The following MLIP variants were observed in gnomAD, a reference collection of about 807,000 sequenced individuals.
MLIP encodes the protein muscular LMNA-interacting protein.
MLIP carries 79 observed loss-of-function variants against 84.8 expected under a neutral mutation model. The observed-to-expected ratio is 0.93, with a 90% confidence interval of 0.78 to 1.12. MLIP has a LOEUF of 1.12. Ranked by LOEUF, MLIP falls within the 50% of genes most tolerant of loss-of-function variation. The probability of loss-of-function intolerance (pLI) is 0.00; values close to 1 mark genes in which losing one functional copy is unlikely to be tolerated. For synonymous variants in MLIP, 504 were observed against 463.0 expected (o/e 1.09, Z -1.14); for missense variants, 1,257 against 1,160.6 (o/e 1.08, Z -1.21).
At chr6:54,103,625 G>A (rs762511744) in intron 1 of MLIP, among the ~76,000 whole-genome samples, 4 of 152,098 alleles carry the variant, frequency 2.6e-5, no homozygotes, top group Non-Finnish European at 4.4e-5. Context: ...TTCCAATCAC[G>A]GTTAGGTAGC....
intron 12 of MLIP, among the ~76,000 whole-genome samples, chr6:54,252,333 A>T (rs1251660618): frequency 1.7e-5 from 2 of 119,336 alleles, no homozygotes; most frequent in African/African-American, 7.2e-5. Flanking sequence ...ATTATACCAT[A>T]TAATATATAA....
chr6:54,246,517 T>C (rs907427243), intron 12 of MLIP, among the ~76,000 whole-genome samples: 7 of 152,272 alleles, frequency 4.6e-5, no homozygotes, highest in Middle Eastern at 3.4e-3. Context: ...GTATGACTTT[T>C]ATTTGTGTGT....
chr6:54,204,715 C>T (rs1307330694), intron 11 of MLIP, among the ~76,000 whole-genome samples: 1 of 152,096 alleles, frequency 6.6e-6, no homozygotes, highest in Non-Finnish European at 1.5e-5. Flanking sequence ...ATTGCCATTT[C>T]TTTTCGTTGC....
At chr6:54,155,983 AAC>A (rs1773982884) in intron 5 of MLIP, among the ~76,000 whole-genome samples, 1 of 152,060 alleles carries the variant, frequency 6.6e-6, no homozygotes, top group Non-Finnish European at 1.5e-5. Flanking sequence ...TATTTTTAAT[AAC>A]AATAATTTAT....
Position 54,053,187 on chromosome 6 carries a change from C to T in MLIP, c.63+34096C>T, listed in dbSNP as rs572527740. ...TCCTAGGTATTCCTGGCTCTGATAC[C>T]CATACCTTAAGCACCACTATGTTTT... On this transcript the variant is annotated intron_variant, in intron 1 of 12. Coordinates refer to the MLIP transcript ENST00000274897. Among the ~76,000 whole-genome samples, 3 of 152,196 alleles carry T rather than the reference C, an allele frequency of 2.0e-5. No individual in the cohort carries two copies. The South Asian group carries it at 6.2e-4, about 32-fold the overall frequency.
chr6:54,052,459 C>A (rs903924761), intron 1 of MLIP, among the ~76,000 whole-genome samples: 1 of 152,142 alleles, frequency 6.6e-6, no homozygotes, highest in African/African-American at 2.4e-5. Flanking sequence ...TGTTTAATAA[C>A]ACTGATTTTA....
At chr6:54,132,018 C>T (rs1007294667) in intron 3 of MLIP, among the ~76,000 whole-genome samples, 1 of 152,098 alleles carries the variant, frequency 6.6e-6, no homozygotes, top group African/African-American at 2.4e-5. Context: ...CTAGCCTGAG[C>T]TCATTCATAT....
upstream of MLIP, among the ~76,000 whole-genome samples, chr6:54,106,692 A>T (rs944055788): frequency 1.4e-4 from 21 of 152,198 alleles, no homozygotes; most frequent in Admixed American, 1.4e-3. Context: ...AGAAGTGAGG[A>T]AAATTTTGGG....
At chr6:54,208,305 G>C (rs1779183236) in intron 11 of MLIP, among the ~76,000 whole-genome samples, 1 of 152,020 alleles carries the variant, frequency 6.6e-6, no homozygotes, top group Non-Finnish European at 1.5e-5. Context: ...TTGTTTGTTG[G>C]CTGCGTGCAG....
intron 11 of MLIP, chr6:54,216,966 TTGATTTAAATTAA>T: frequency 1.0e-6 from 1 of 985,422 alleles, no homozygotes; most frequent in Non-Finnish European, 1.2e-6. Flanking sequence ...TAGCAAGGTG[TTGATTTAAATTAA>T]AACTGTAGCA....
At chr6:54,221,633 A>G (rs977553828) in intron 11 of MLIP, among the ~76,000 whole-genome samples, 4 of 152,246 alleles carry the variant, frequency 2.6e-5, no homozygotes, top group African/African-American at 9.6e-5. Flanking sequence ...TCATAAGGCA[A>G]AAGCAGGAGA....
intron 12 of MLIP, among the ~76,000 whole-genome samples, chr6:54,236,124 G>A (rs187419354): frequency 2.2e-4 from 34 of 152,214 alleles, no homozygotes; most frequent in South Asian, 1.0e-3. Flanking sequence ...AAAACCATCC[G>A]TATTTGTGAG....
At chr6:54,079,062 C>T (rs186125552) in intron 1 of MLIP, among the ~76,000 whole-genome samples, 1 of 152,172 alleles carries the variant, frequency 6.6e-6, no homozygotes, top group Non-Finnish European at 1.5e-5. Context: ...AATAAATATC[C>T]TAAATATTTG....
At chr6:54,204,107 C>G (rs989207205) in intron 11 of MLIP, among the ~76,000 whole-genome samples, 28 of 152,094 alleles carry the variant, frequency 1.8e-4, no homozygotes, top group African/African-American at 6.8e-4. Flanking sequence ...GATTTATATA[C>G]ACTTTCTGAG....
chr6:54,199,397 T>A (rs1245220606), intron 10 of MLIP, among the ~76,000 whole-genome samples: 1 of 152,122 alleles, frequency 6.6e-6, no homozygotes, highest in East Asian at 1.9e-4. Flanking sequence ...AGATGATCTA[T>A]CTAAAATATT....
Position 54,080,372 on chromosome 6 carries a change from C to A in MLIP, c.64-41075C>A, listed in dbSNP as rs145943313. On this transcript the variant is annotated intron_variant, in intron 1 of 12. Coordinates refer to the MLIP transcript ENST00000274897. ...TAGACTCCATCTTCACCCCCCACCC[C>A]AGTTTTAGGAACCCCTAAACCTCTC... Among the ~76,000 whole-genome samples, 94 of 152,152 alleles carry A rather than the reference C, an allele frequency of 6.2e-4. No homozygotes were observed. The East Asian group carries it at 7.2e-3, about 12-fold the overall frequency.
intron 1 of MLIP, among the ~76,000 whole-genome samples, chr6:54,050,641 C>A: frequency 6.6e-6 from 1 of 152,036 alleles, no homozygotes; most frequent in East Asian, 1.9e-4. Flanking sequence ...GATTGCATAT[C>A]TTTATAGCTA....
At chr6:54,161,672 A>C (rs922526843) in intron 8 of MLIP, among the ~76,000 whole-genome samples, 2 of 151,926 alleles carry the variant, frequency 1.3e-5, no homozygotes, top group Non-Finnish European at 2.9e-5. Context: ...ACTACACATA[A>C]CTAGAAGAGC....
intron 9 of MLIP, among the ~76,000 whole-genome samples, chr6:54,188,454 A>G (rs1777606329): frequency 6.6e-6 from 1 of 151,988 alleles, no homozygotes; most frequent in Non-Finnish European, 1.5e-5. Context: ...TCAAATTTTT[A>G]TTTTTTATTT....
Sources: gnomAD v4.1 joint callset for allele counts (sites outside exome capture counted in the v4.1 genomes callset) on GRCh38, gnomAD v4.1.1 for gene constraint, MANE v1.5 for transcripts, NCBI Gene and HGNC (gene_info 2026-07-23, HGNC 2026-07-21) for gene names.